DPYD: variants seen among roughly 807,000 people sequenced by gnomAD.
DPYD encodes the protein dihydropyrimidine dehydrogenase [NADP(+)].
In DPYD, 109 loss-of-function variants were observed where a neutral mutation model predicts 116.2. The ratio of observed to expected loss-of-function variants is 0.94; its 90% CI spans 0.80 to 1.10. DPYD has a LOEUF of 1.10. Ranked by LOEUF, DPYD falls within the 50% of genes least tolerant of loss-of-function variation. The pLI is 0.00. For synonymous variants in DPYD, 440 were observed against 432.0 expected (o/e 1.02, Z -0.23); for missense variants, 1,302 against 1,254.5 (o/e 1.04, Z -0.57).
intron 3 of DPYD, among the ~76,000 whole-genome samples, chr1:97,806,056 T>C (rs116443183): frequency 0.012 from 1,792 of 152,032 alleles, 13 homozygotes; most frequent in Middle Eastern, 0.044. Context: ...GTAATGATAC[T>C]GAAGAGCTAG....
intron 16 of DPYD, among the ~76,000 whole-genome samples, chr1:97,348,750 C>A (rs753956867): frequency 6.6e-6 from 1 of 152,074 alleles, no homozygotes; most frequent in Admixed American, 6.6e-5. Context: ...TAGAAAGTGG[C>A]CACTCTAGTA....
chr1:97,905,873 A>C (rs1673589368), intron 1 of DPYD, among the ~76,000 whole-genome samples: 1 of 152,114 alleles, frequency 6.6e-6, no homozygotes, highest in Admixed American at 6.6e-5. Context: ...ACAGCAATGT[A>C]AAACTGAGCT....
intron 12 of DPYD, among the ~76,000 whole-genome samples, chr1:97,531,339 AG>A (rs1307728952): frequency 6.6e-5 from 10 of 152,202 alleles, no homozygotes; most frequent in Admixed American, 5.2e-4. Context: ...GCATGTACAT[AG>A]CCACTTTTCC....
intron 18 of DPYD, among the ~76,000 whole-genome samples, chr1:97,253,545 C>T (rs1032385342): frequency 3.9e-5 from 6 of 152,096 alleles, no homozygotes; most frequent in Non-Finnish European, 2.9e-5. Context: ...CTCGTGGCAT[C>T]GTTCCCTTGT....
intron 16 of DPYD, among the ~76,000 whole-genome samples, chr1:97,338,753 C>T (rs1216171327): frequency 6.6e-6 from 1 of 152,130 alleles, no homozygotes. Context: ...GACAAAATTG[C>T]CATTGCACCC....
At chr1:97,672,145 CT>C (rs1364348728) in intron 8 of DPYD, among the ~76,000 whole-genome samples, 2 of 151,966 alleles carry the variant, frequency 1.3e-5, no homozygotes, top group African/African-American at 4.8e-5. Flanking sequence ...CTCTGTCTAT[CT>C]TACGACCTGG....
At chr1:97,270,759 T>C (rs1315761053) in intron 18 of DPYD, among the ~76,000 whole-genome samples, 1 of 152,244 alleles carries the variant, frequency 6.6e-6, no homozygotes, top group East Asian at 1.9e-4. Flanking sequence ...ATTTAAACAG[T>C]TTAAGGAGAA....
intron 20 of DPYD, among the ~76,000 whole-genome samples, chr1:97,189,512 G>A (rs1334581381): frequency 6.6e-6 from 1 of 152,124 alleles, no homozygotes; most frequent in Admixed American, 6.6e-5. Flanking sequence ...ATATCGGACT[G>A]TCCAATTTCT....
intron 14 of DPYD, among the ~76,000 whole-genome samples, chr1:97,409,989 C>A (rs541458682): frequency 4.0e-5 from 6 of 151,522 alleles, no homozygotes; most frequent in Admixed American, 6.6e-5. Context: ...TTGCTTGAAC[C>A]GGGGAGGTGA....
intron 3 of DPYD, among the ~76,000 whole-genome samples, chr1:97,756,854 A>G (rs1418550722): frequency 6.6e-6 from 1 of 152,094 alleles, no homozygotes; most frequent in Non-Finnish European, 1.5e-5. Flanking sequence ...TCCTGCCTTT[A>G]CTTTTGCTTT....
At chr1:97,609,627 A>C (rs1655811330) in intron 8 of DPYD, among the ~76,000 whole-genome samples, 1 of 152,012 alleles carries the variant, frequency 6.6e-6, no homozygotes, top group Admixed American at 6.6e-5. Flanking sequence ...CTCACAGACA[A>C]GTGGCAAAGA....
chr1:97,814,204 G>A (rs1429832531), intron 3 of DPYD, among the ~76,000 whole-genome samples: 1 of 152,130 alleles, frequency 6.6e-6, no homozygotes, highest in African/African-American at 2.4e-5. Flanking sequence ...GTCCAAGCCT[G>A]GAAAGTTTTA....
At chr1:97,808,271 T>C (rs1001610047) in intron 3 of DPYD, among the ~76,000 whole-genome samples, 1 of 152,176 alleles carries the variant, frequency 6.6e-6, no homozygotes, top group African/African-American at 2.4e-5. Flanking sequence ...ATTTATTTTG[T>C]TTCTCTTCAA....
At chr1:97,281,073 A>G (rs907602530) in intron 18 of DPYD, among the ~76,000 whole-genome samples, 1 of 152,174 alleles carries the variant, frequency 6.6e-6, no homozygotes, top group African/African-American at 2.4e-5. Flanking sequence ...GAGTTGTACA[A>G]AAGTTAAAAT....
At chr1:97,380,623 A>C (rs550745947) in intron 15 of DPYD, among the ~76,000 whole-genome samples, 2 of 152,350 alleles carry the variant, frequency 1.3e-5, no homozygotes, top group African/African-American at 4.8e-5. Flanking sequence ...TTTAGTATAC[A>C]TCATCATCAC....
intron 14 of DPYD, among the ~76,000 whole-genome samples, chr1:97,391,239 G>A (rs1326125424): frequency 6.6e-6 from 1 of 151,734 alleles, no homozygotes; most frequent in African/African-American, 2.4e-5. Flanking sequence ...CCTCTAAACT[G>A]CATCTTTTTC....
chr1:97,456,461 T>C (rs963814357), intron 13 of DPYD, among the ~76,000 whole-genome samples: 1 of 152,054 alleles, frequency 6.6e-6, no homozygotes, highest in African/African-American at 2.4e-5. Context: ...TCTCAGTTCA[T>C]ATGATAGAAT....
chr1:97,784,662 T>C lies in DPYD; in HGVS notation c.233+43452A>G, dbSNP rs181859101. Among the ~76,000 whole-genome samples the C allele has an allele frequency of 1.2e-3, 187 of 152,326 alleles. No individual in the cohort carries two copies. In the Middle Eastern group the frequency reaches 0.024, roughly 19 times the overall value. On this transcript the variant is annotated intron_variant, in intron 3 of 22. Coordinates refer to ENST00000370192, the MANE Select transcript of DPYD (RefSeq NM_000110.4). ...CTCATAAATGATCTGTGTTCAAATC[T>C]ACCTACCTCTCTCCTATTTCCTTTT...
At chr1:97,603,841 T>C (rs1312182170) in intron 8 of DPYD, among the ~76,000 whole-genome samples, 1 of 152,142 alleles carries the variant, frequency 6.6e-6, no homozygotes, top group Non-Finnish European at 1.5e-5. Flanking sequence ...TGTTAACATA[T>C]CATGCATCTT....
Sources: gnomAD v4.1 joint callset for allele counts (sites outside exome capture counted in the v4.1 genomes callset) on GRCh38, gnomAD v4.1.1 for gene constraint, MANE v1.5 for transcripts, NCBI Gene and HGNC (gene_info 2026-07-23, HGNC 2026-07-21) for gene names.